The following ZNF385B variants were observed in gnomAD, a reference collection of about 807,000 sequenced individuals.
ZNF385B encodes the protein zinc finger protein 385B, also known as zinc finger protein 533.
ZNF385B carries 23 observed loss-of-function variants against 39.2 expected under a neutral mutation model. That is an observed-to-expected ratio of 0.59 (90% CI 0.42 to 0.83). The LOEUF is 0.83. ZNF385B is among the 40% of genes least tolerant of loss of function. The probability of loss-of-function intolerance (pLI) is 0.00; values close to 1 mark genes in which losing one functional copy is unlikely to be tolerated. For synonymous variants in ZNF385B, 205 were observed against 222.6 expected (o/e 0.92, Z 0.70); for missense variants, 552 against 598.9 (o/e 0.92, Z 0.82).
At chr2:179,708,484 G>C (rs1043356933) in intron 3 of ZNF385B, among the ~76,000 whole-genome samples, 2 of 152,178 alleles carry the variant, frequency 1.3e-5, no homozygotes, top group Non-Finnish European at 2.9e-5. Flanking sequence ...TTCATCATCA[G>C]TTCCAAGGGC....
At chr2:179,608,760 T>A (rs1689036982) in intron 3 of ZNF385B, among the ~76,000 whole-genome samples, 2 of 151,962 alleles carry the variant, frequency 1.3e-5, no homozygotes, top group Non-Finnish European at 1.5e-5. Flanking sequence ...TCACTGTTGG[T>A]TTTTTACATA....
chr2:179,463,389 A>G (rs2051586285), intron 6 of ZNF385B, among the ~76,000 whole-genome samples: 1 of 152,088 alleles, frequency 6.6e-6, no homozygotes. Flanking sequence ...GTTATGGGGT[A>G]CATGTGCAGA....
At chr2:179,850,649 C>T (rs940130001) in intron 1 of ZNF385B, among the ~76,000 whole-genome samples, 1 of 152,212 alleles carries the variant, frequency 6.6e-6, no homozygotes, top group African/African-American at 2.4e-5. Context: ...TAAGAAACAG[C>T]AGCCAGGGAG....
At chr2:179,742,602 A>AG (rs1158629481) in intron 3 of ZNF385B, among the ~76,000 whole-genome samples, 1 of 152,072 alleles carries the variant, frequency 6.6e-6, no homozygotes, top group Non-Finnish European at 1.5e-5. Context: ...AATAGGAAGT[A>AG]GGAAAAAAAG....
chr2:179,504,233 ACCATGG>A (rs2057038676), intron 5 of ZNF385B, among the ~76,000 whole-genome samples: 1 of 151,780 alleles, frequency 6.6e-6, no homozygotes, highest in Admixed American at 6.6e-5. Flanking sequence ...TGCATAGTAA[ACCATGG>A]TGTATATGTG....
rs190123385 is a variant in ZNF385B, at chr2:179,752,707, T to C, written c.298+16796A>G. On this transcript the variant is annotated intron_variant, in intron 3 of 9. Coordinates refer to ENST00000410066, the MANE Select transcript of ZNF385B (RefSeq NM_152520.6). ...CCAGTGATGATGAGCATTTTTTCAT[T>C]TGTCTGGCTGCATAATTGTCTTCTT... Among the ~76,000 whole-genome samples the C allele has an allele frequency of 3.0e-3, 458 of 151,814 alleles. 10 individuals carry two copies. The highest frequency in any genetic ancestry group is 0.011 in the African/African-American group (436 of 41,422).
At chr2:179,656,779 T>C (rs888360747) in intron 3 of ZNF385B, among the ~76,000 whole-genome samples, 11 of 152,178 alleles carry the variant, frequency 7.2e-5, no homozygotes, top group African/African-American at 2.7e-4. Context: ...CATATGTATA[T>C]CTGTGCTCAT....
At chr2:179,561,800 G>C (rs2061353864) in intron 3 of ZNF385B, among the ~76,000 whole-genome samples, 1 of 152,122 alleles carries the variant, frequency 6.6e-6, no homozygotes, top group Non-Finnish European at 1.5e-5. Flanking sequence ...TTTCCAGAGA[G>C]ATTTCTATGC....
intron 3 of ZNF385B, among the ~76,000 whole-genome samples, chr2:179,693,200 C>A (rs1698481141): frequency 6.6e-6 from 1 of 152,212 alleles, no homozygotes; most frequent in African/African-American, 2.4e-5. Context: ...AACCTTGTTT[C>A]TACCAACTGT....
At position 179,628,291 on chromosome 2, in the gene ZNF385B, G is replaced by A. The variant is rs553326500; in HGVS notation, c.299-83322C>T. Among the ~76,000 whole-genome samples, 48 of 152,222 alleles carry A rather than the reference G, an allele frequency of 3.2e-4. 1 individual carries two copies. Among genetic ancestry groups the A allele is most frequent in the African/African-American group, 1.2e-3 (48 of 41,532 alleles). On this transcript the variant is annotated intron_variant, in intron 3 of 9. Coordinates refer to ENST00000410066, the MANE Select transcript of ZNF385B (RefSeq NM_152520.6). ...TTCAAATCAAGATCCAGACTATCTGGATGAAATGTCTTTAAGTATTAATTT... is the reference window on the plus strand; with the variant it reads ...TTCAAATCAAGATCCAGACTATCTGAATGAAATGTCTTTAAGTATTAATTT...
chr2:179,570,955 G>A (rs569796299), intron 3 of ZNF385B, among the ~76,000 whole-genome samples: 34 of 152,276 alleles, frequency 2.2e-4, no homozygotes, highest in Admixed American at 9.2e-4. Context: ...TACTAGAAGA[G>A]CCTGTGAGTA....
intron 6 of ZNF385B, among the ~76,000 whole-genome samples, chr2:179,479,667 C>A (rs2105574278): frequency 6.6e-6 from 1 of 152,060 alleles, no homozygotes; most frequent in East Asian, 1.9e-4. Flanking sequence ...TGGTGAAACC[C>A]CAACTCTACT....
chr2:179,598,283 T>C (rs1171519981), intron 3 of ZNF385B, among the ~76,000 whole-genome samples: 3 of 152,204 alleles, frequency 2.0e-5, no homozygotes, highest in Non-Finnish European at 4.4e-5. Context: ...TGTTTGTTTG[T>C]GGCGCTCTAG....
At chr2:179,719,511 C>T (rs1382497568) in intron 3 of ZNF385B, among the ~76,000 whole-genome samples, 1 of 152,230 alleles carries the variant, frequency 6.6e-6, no homozygotes. Flanking sequence ...AGCTTACTAA[C>T]ATCTGAGCTT....
intron 3 of ZNF385B, among the ~76,000 whole-genome samples, chr2:179,643,874 A>C (rs1247327401): frequency 6.6e-6 from 1 of 152,164 alleles, no homozygotes; most frequent in Non-Finnish European, 1.5e-5. Context: ...TTTATTAAAA[A>C]ATGAAAAGAA....
chr2:179,834,196 A>G (rs1708128929), intron 1 of ZNF385B, among the ~76,000 whole-genome samples: 1 of 152,150 alleles, frequency 6.6e-6, no homozygotes, highest in Non-Finnish European at 1.5e-5. Context: ...CCATCCTGGA[A>G]GCAATAACAT....
chr2:179,523,927 C>T (rs936692776), intron 4 of ZNF385B, among the ~76,000 whole-genome samples: 1 of 152,106 alleles, frequency 6.6e-6, no homozygotes, highest in African/African-American at 2.4e-5. Flanking sequence ...GGACTACAGG[C>T]ATGTGCCACT....
At chr2:179,854,164 A>G (rs1444087693) in intron 1 of ZNF385B, among the ~76,000 whole-genome samples, 1 of 152,136 alleles carries the variant, frequency 6.6e-6, no homozygotes, top group Non-Finnish European at 1.5e-5. Flanking sequence ...GCCTGTGAGA[A>G]AAAGTTTTTT....
intron 1 of ZNF385B, among the ~76,000 whole-genome samples, chr2:179,838,948 G>C: frequency 6.6e-6 from 1 of 150,468 alleles, no homozygotes; most frequent in Non-Finnish European, 1.5e-5. Flanking sequence ...GCATTTTGCT[G>C]CTCCTTGCAA....
Sources: allele counts gnomAD v4.1 joint callset (sites outside exome capture counted in the v4.1 genomes callset), GRCh38; gene constraint gnomAD v4.1.1; transcripts MANE v1.5; gene names NCBI Gene and HGNC (gene_info 2026-07-23, HGNC 2026-07-21).